The following JPH3 variants were observed in gnomAD, a reference collection of about 807,000 sequenced individuals.
JPH3 encodes the protein junctophilin 3.
JPH3 carries 11 observed loss-of-function variants against 59.6 expected under a neutral mutation model. The ratio of observed to expected loss-of-function variants is 0.18; its 90% CI spans 0.12 to 0.31. JPH3 has a LOEUF of 0.31. JPH3 is among the 10% of genes least tolerant of loss of function. The pLI is 1.00. For missense variants in JPH3, 1,202 were observed against 1,105.7 expected, an observed-to-expected ratio of 1.09 and a Z score of -1.24; for synonymous variants, 673 against 483.6, an observed-to-expected ratio of 1.39 and a Z score of -5.14.
intron 4 of JPH3, among the ~76,000 whole-genome samples, chr16:87,691,937 C>T (rs1357430592): frequency 6.6e-6 from 1 of 152,076 alleles, no homozygotes; most frequent in African/African-American, 2.4e-5. Flanking sequence ...CTGCTTAATG[C>T]ACTGACACTT....
rs978958768 is a variant in JPH3 at position 87,697,305 on chromosome 16, C to A, written c.*645C>A. On this transcript the variant is annotated 3_prime_UTR_variant, in exon 5 of 5. Coordinates refer to ENST00000284262, the MANE Select transcript of JPH3 (RefSeq NM_020655.4). ...TCTTCTCGGCACTGCCCCCGGCCTT[C>A]CATGAGAAGCCGACTCCCCACACCG... 6.6e-6 allele frequency: 1 copy of A among 152,582 alleles called. No individual in the cohort carries two copies. Among genetic ancestry groups the A allele is most frequent in the African/African-American group, 2.4e-5 (1 of 41,456 alleles). 9.5% of individuals were successfully genotyped at this position (152,582 alleles called of 1,614,324 possible). A position where few individuals can be genotyped will look rare whatever the true frequency, so the allele number is the denominator to read the frequency against.
intron 4 of JPH3, chr16:87,696,294 T>G (rs1447146306): frequency 1.9e-6 from 1 of 518,246 alleles, no homozygotes; most frequent in African/African-American, 1.9e-5. Flanking sequence ...AAGGGGACCC[T>G]GGGAGAGCTG....
intron 1 of JPH3, among the ~76,000 whole-genome samples, chr16:87,628,970 C>A (rs1785293402): frequency 6.6e-6 from 1 of 152,138 alleles, no homozygotes; most frequent in Non-Finnish European, 1.5e-5. Flanking sequence ...GCCAGAGTTA[C>A]TGGGTGTGGG....
intron 1 of JPH3, among the ~76,000 whole-genome samples, chr16:87,612,144 C>T (rs926821832): frequency 7.2e-5 from 11 of 152,134 alleles, no homozygotes; most frequent in East Asian, 3.9e-4. Flanking sequence ...TTTTTTCAGA[C>T]GGGGGCTGGC....
intron 2 of JPH3, among the ~76,000 whole-genome samples, chr16:87,672,781 G>A (rs1173999944): frequency 1.3e-5 from 2 of 152,196 alleles, no homozygotes; most frequent in African/African-American, 2.4e-5. Context: ...GTATTGGGCC[G>A]CTCAGGTGGC....
Position 87,690,186 on chromosome 16 carries a change from G to C in JPH3, c.1826G>C (p.Ser609Thr). 6.2e-7 allele frequency: 1 copy of C among 1,601,562 alleles called. No homozygotes were observed. Among genetic ancestry groups the C allele is most frequent in the Non-Finnish European group, 8.5e-7 (1 of 1,174,638 alleles). ...CTGGAGCTGCAGGAGGAGAAGCTGAGCAACTACCGGATGGAGATGAAACCC... is the reference window on the plus strand; with the variant it reads ...CTGGAGCTGCAGGAGGAGAAGCTGACCAACTACCGGATGGAGATGAAACCC... Reference protein sequence around the residue: ...RLLELQEEKLSNYRMEMKPLL... With the variant: ...RLLELQEEKLTNYRMEMKPLL... The change falls in exon 4 of 5, where the codon AGC (serine) becomes ACC (threonine). Residue 609 changes from serine to threonine, a missense_variant. Transcript: ENST00000284262.
At chr16:87,672,551 G>C (rs2033044834) in intron 2 of JPH3, among the ~76,000 whole-genome samples, 1 of 152,224 alleles carries the variant, frequency 6.6e-6, no homozygotes, top group Non-Finnish European at 1.5e-5. Context: ...CTTTCATCCT[G>C]TATTGGGGGA....
intron 1 of JPH3, among the ~76,000 whole-genome samples, chr16:87,633,955 A>T (rs1052371590): frequency 6.6e-6 from 1 of 152,182 alleles, no homozygotes; most frequent in African/African-American, 2.4e-5. Context: ...GATAAATTTT[A>T]ATGTCATATG....
chr16:87,653,662 C>T (rs117760708), intron 2 of JPH3: 2,124 of 152,354 alleles, frequency 0.014, 20 homozygotes, highest in Non-Finnish European at 0.022. Flanking sequence ...GGAGGTAGCA[C>T]AGTTCTCATC....
At chr16:87,679,812 C>T (rs984148262) in intron 2 of JPH3, among the ~76,000 whole-genome samples, 4 of 152,242 alleles carry the variant, frequency 2.6e-5, no homozygotes, top group Admixed American at 6.5e-5. Flanking sequence ...CCAGGGGCCC[C>T]CTCAGCACAC....
rs931857765 is a variant in JPH3, at chr16:87,690,117, C to A, written c.1757C>A (p.Ser586Tyr). ...TCACCCCCCGTGTTCACGTGGACTT[C>A]CCACCACCGGGCCAGCAACCACAGC... is the stretch of plus-strand genomic sequence containing the variant. ...TESPPVFTWT[S>Y]HHRASNHSPG... The change falls in exon 4 of 5, where the codon TCC becomes TAC. Residue 586 changes from serine to tyrosine, a missense_variant. Physicochemically the swap from Ser to Tyr is moderately radical, Grantham distance 144 (BLOSUM62 -2). Coordinates refer to ENST00000284262, the MANE Select transcript of JPH3 (RefSeq NM_020655.4). The A allele has an allele frequency of 6.3e-7, 1 of 1,582,910 alleles. No homozygotes were observed. Among genetic ancestry groups the A allele is most frequent in the African/African-American group, 1.4e-5 (1 of 73,860 alleles).
chr16:87,670,708 A>C (rs553910046), intron 2 of JPH3, among the ~76,000 whole-genome samples: 66 of 152,212 alleles, frequency 4.3e-4, no homozygotes, highest in Middle Eastern at 3.4e-3. Flanking sequence ...CTGGTGAAAA[A>C]CCACGGAAGT....
chr16:87,647,576 G>A (rs900468080), intron 2 of JPH3, among the ~76,000 whole-genome samples: 2 of 152,184 alleles, frequency 1.3e-5, no homozygotes, highest in South Asian at 2.1e-4. Context: ...TCGCCCGAGC[G>A]GGCGTCGCGG....
chr16:87,652,864 G>A (rs1441775394), intron 2 of JPH3, among the ~76,000 whole-genome samples: 1 of 152,188 alleles, frequency 6.6e-6, no homozygotes, highest in Admixed American at 6.5e-5. Context: ...GACAAGTCCT[G>A]GGCACCTCTG....
intron 1 of JPH3, among the ~76,000 whole-genome samples, chr16:87,643,315 C>A (rs4429304): frequency 0.6 from 91,238 of 151,890 alleles, 27,561 homozygotes; most frequent in East Asian, 0.72. Context: ...GGTTGCCTTT[C>A]CCTTTCCAGC....
chr16:87,672,033 T>C (rs1450092745), intron 2 of JPH3, among the ~76,000 whole-genome samples: 1 of 152,064 alleles, frequency 6.6e-6, no homozygotes, highest in African/African-American at 2.4e-5. Flanking sequence ...GGTGTAGGGC[T>C]GGGCAGGTGG....
At chr16:87,681,834 G>A (rs2033303401) in intron 2 of JPH3, among the ~76,000 whole-genome samples, 1 of 152,172 alleles carries the variant, frequency 6.6e-6, no homozygotes, top group Non-Finnish European at 1.5e-5. Context: ...CTGATTTTCG[G>A]GCAGGTGCTG....
At chr16:87,695,629 C>A (rs1347030061) in intron 4 of JPH3, 1 of 456,050 alleles carries the variant, frequency 2.2e-6, no homozygotes, top group Non-Finnish European at 4.4e-6. Flanking sequence ...GGGCCACCGT[C>A]CAGGAGGCGT....
At chr16:87,672,475 A>G (rs2033042882) in intron 2 of JPH3, among the ~76,000 whole-genome samples, 1 of 152,174 alleles carries the variant, frequency 6.6e-6, no homozygotes, top group African/African-American at 2.4e-5. Flanking sequence ...AGCTTTGCGG[A>G]GCCTCCTCAG....
Sources: allele counts gnomAD v4.1 joint callset (sites outside exome capture counted in the v4.1 genomes callset), GRCh38; gene constraint gnomAD v4.1.1; transcripts MANE v1.5; gene names NCBI Gene and HGNC (gene_info 2026-07-23, HGNC 2026-07-21).